IDO2: variants seen among roughly 807,000 people sequenced by gnomAD.
IDO2 encodes the protein indoleamine 2,3-dioxygenase 2.
A neutral mutation model predicts 45.1 loss-of-function variants in IDO2; 46 were observed. The observed-to-expected ratio is 1.02, with a 90% CI of 0.80 to 1.30. The LOEUF is 1.30. IDO2 is among the 50% of genes most tolerant of loss of function. IDO2 has a pLI of 0.00. For missense variants in IDO2, 544 were observed against 491.8 expected (o/e 1.11, Z -1.00); for synonymous variants, 218 against 184.9 (o/e 1.18, Z -1.45).
At chr8:39,981,535 G>A (rs531580192) in intron 4 of IDO2, among the ~76,000 whole-genome samples, 1 of 152,102 alleles carries the variant, frequency 6.6e-6, no homozygotes, top group Admixed American at 6.6e-5. Flanking sequence ...AGTTCCAGGG[G>A]ACCCGGAGGC....
At chr8:39,986,715 T>TAGAC (rs1365904836) in intron 6 of IDO2, among the ~76,000 whole-genome samples, 1 of 149,412 alleles carries the variant, frequency 6.7e-6, no homozygotes, top group Non-Finnish European at 1.5e-5. Flanking sequence ...GATAGATAGA[T>TAGAC]AGACGGAATT....
At chr8:39,980,609 G>A (rs569180105) in intron 4 of IDO2, among the ~76,000 whole-genome samples, 10 of 152,130 alleles carry the variant, frequency 6.6e-5, no homozygotes, top group South Asian at 2.1e-4. Context: ...AGAACTCCAC[G>A]GTGAAGAGAA....
intron 3 of IDO2, among the ~76,000 whole-genome samples, chr8:39,971,149 C>T (rs933673750): frequency 6.6e-6 from 1 of 152,150 alleles, no homozygotes; most frequent in Non-Finnish European, 1.5e-5. Context: ...CAGCTGGTGA[C>T]TTTAAGTTGA....
In IDO2 at chr8:39,961,185, G is replaced by C. The variant is rs561797054; in HGVS notation, c.100-2423G>C. On this transcript the variant is annotated intron_variant, in intron 2 of 10. Transcript: ENST00000502986. The stretch of plus-strand genomic sequence containing the variant: ...TGGAATCAGTTCCTCTATCTGCCTT[G>C]TGAATATTCTCCATTGTGCTAATCT... 5.3e-5 allele frequency among the ~76,000 whole-genome samples: 8 copies of C among 152,184 alleles called. No individual in the cohort carries two copies. The East Asian group carries it at 1.4e-3, about 26-fold the overall frequency.
chr8:39,999,276 C>CTTTTTTTTT (rs35720120), intron 8 of IDO2, among the ~76,000 whole-genome samples: 9 of 78,418 alleles, frequency 1.1e-4, no homozygotes, highest in African/African-American at 3.0e-4. Context: ...TCTGCTGCTG[C>CTTTTTTTTT]TTTTTTTTTT....
At position 40,007,827 on chromosome 8, in the gene IDO2, C is replaced by T. The variant is rs530981879; in HGVS notation, c.719+2449C>T. Among the ~76,000 whole-genome samples the T allele has an allele frequency of 3.3e-5, 5 of 152,226 alleles. No homozygotes were observed. In the East Asian group the frequency reaches 9.7e-4, roughly 29 times the overall value. On this transcript the variant is annotated intron_variant, in intron 9 of 10. Coordinates refer to ENST00000502986, the Ensembl canonical transcript of IDO2. Reference sequence around the variant, plus strand: ...CTTTTCCATTTAGGGTCGCAAAAGGCCGAAGTCAATTTATCTATTGGGCTG... The same window carrying T: ...CTTTTCCATTTAGGGTCGCAAAAGGTCGAAGTCAATTTATCTATTGGGCTG...
intron 1 of IDO2, among the ~76,000 whole-genome samples, chr8:39,940,032 A>AAGCT (rs78803713): frequency 0.18 from 27,999 of 152,092 alleles, 2,969 homozygotes; most frequent in South Asian, 0.32. Context: ...GATTCATGGA[A>AAGCT]AGCTGATCAT....
At chr8:39,966,260 C>A (rs1239355190) in intron 3 of IDO2, among the ~76,000 whole-genome samples, 1 of 152,106 alleles carries the variant, frequency 6.6e-6, no homozygotes, top group Non-Finnish European at 1.5e-5. Flanking sequence ...AACTCCTAAC[C>A]TTGTGATCCA....
chr8:40,008,045 C>CT (rs34451617), intron 9 of IDO2, among the ~76,000 whole-genome samples: 9,089 of 103,280 alleles, frequency 0.088, 1,389 homozygotes, highest in African/African-American at 0.32. Context: ...AGCACTGGCA[C>CT]TTTTTTTTTT....
intron 3 of IDO2, among the ~76,000 whole-genome samples, chr8:39,975,432 C>A (rs1392236644): frequency 6.6e-6 from 1 of 152,056 alleles, no homozygotes; most frequent in Non-Finnish European, 1.5e-5. Context: ...TATACAAAAT[C>A]TTGTAAATTG....
chr8:39,972,266 A>C (rs141765984), intron 3 of IDO2, among the ~76,000 whole-genome samples: 1 of 152,356 alleles, frequency 6.6e-6, no homozygotes, highest in African/African-American at 2.4e-5. Context: ...AATGTTCCAT[A>C]AACATAGTTG....
intron 2 of IDO2, among the ~76,000 whole-genome samples, chr8:39,955,646 G>C (rs577530396): frequency 1.5e-4 from 23 of 152,128 alleles, no homozygotes; most frequent in African/African-American, 5.5e-4. Flanking sequence ...CTGAAGCTTA[G>C]ACTCGAATCT....
chr8:39,945,649 T>C (rs1191637545), intron 1 of IDO2, among the ~76,000 whole-genome samples: 1 of 152,168 alleles, frequency 6.6e-6, no homozygotes, highest in Admixed American at 6.5e-5. Context: ...ACGAGGAGTG[T>C]CTGACATTCC....
At chr8:39,978,279 G>T (rs1006889299) in intron 3 of IDO2, among the ~76,000 whole-genome samples, 23 of 152,180 alleles carry the variant, frequency 1.5e-4, no homozygotes, top group African/African-American at 5.5e-4. Flanking sequence ...CTTCGGACCC[G>T]GGAGGGGACC....
intron 2 of IDO2, among the ~76,000 whole-genome samples, chr8:39,959,590 G>A (rs1416154295): frequency 8.3e-6 from 1 of 119,852 alleles, no homozygotes; most frequent in Non-Finnish European, 1.9e-5. Context: ...GAGAGGCTGA[G>A]GCAGGTGGAT....
intron 8 of IDO2, among the ~76,000 whole-genome samples, chr8:40,004,688 C>CAAAAGCTGAT (rs55997612): frequency 4.0e-5 from 6 of 151,622 alleles, no homozygotes; most frequent in Non-Finnish European, 5.9e-5. Flanking sequence ...GAACAACCTT[C>CAAAAGCTGAT]GAAAAGAAAT....
At chr8:39,979,298 T>C in intron 4 of IDO2, 112 bp downstream of exon 4, 1 of 1,114,362 alleles carries the variant, frequency 9.0e-7, no homozygotes, top group East Asian at 2.7e-5. Context: ...TACTTTCTTC[T>C]TCTCGATGGG....
chr8:39,949,081 C>G, intron 1 of IDO2, 68 bp from the exon 2 acceptor site: 1 of 1,539,412 alleles, frequency 6.5e-7, no homozygotes, highest in South Asian at 1.2e-5. Flanking sequence ...TAACTGGAAC[C>G]GAAGGATGGA....
intron 3 of IDO2, among the ~76,000 whole-genome samples, chr8:39,971,094 G>C (rs925812611): frequency 1.3e-5 from 2 of 152,168 alleles, no homozygotes; most frequent in Admixed American, 1.3e-4. Flanking sequence ...AAAAGTCAAT[G>C]CCTAGCTTGA....
Sources: gnomAD v4.1 joint callset for allele counts (sites outside exome capture counted in the v4.1 genomes callset) on GRCh38, gnomAD v4.1.1 for gene constraint, MANE v1.5 for transcripts, NCBI Gene and HGNC (gene_info 2026-07-23, HGNC 2026-07-21) for gene names.